The following SPOCK3 variants were observed in gnomAD, a reference collection of about 807,000 sequenced individuals.
SPOCK3 encodes the protein testican-3.
SPOCK3 carries 30 observed loss-of-function variants against 56.6 expected under a neutral mutation model. The ratio of observed to expected loss-of-function variants is 0.53; its 90% CI spans 0.40 to 0.72. SPOCK3 has a LOEUF of 0.72. Ranked by LOEUF, SPOCK3 falls within the 30% of genes least tolerant of loss-of-function variation. The pLI is 0.00. For synonymous variants in SPOCK3, 196 were observed against 183.3 expected (o/e 1.07, Z -0.56); for missense variants, 527 against 530.0 (o/e 0.99, Z 0.06).
At chr4:166,800,421 G>A (rs1038878214) in intron 6 of SPOCK3, among the ~76,000 whole-genome samples, 2 of 151,976 alleles carry the variant, frequency 1.3e-5, no homozygotes, top group Non-Finnish European at 2.9e-5. Context: ...AGGTATTTCA[G>A]AAGGAGGCAT....
At chr4:166,893,631 A>G (rs1427955518) in intron 5 of SPOCK3, among the ~76,000 whole-genome samples, 2 of 152,160 alleles carry the variant, frequency 1.3e-5, no homozygotes, top group African/African-American at 4.8e-5. Flanking sequence ...TTATAGTTCT[A>G]ATGTAGAACA....
intron 2 of SPOCK3, among the ~76,000 whole-genome samples, chr4:167,064,391 T>C (rs2150250722): frequency 6.6e-6 from 1 of 152,004 alleles, no homozygotes; most frequent in Admixed American, 6.6e-5. Flanking sequence ...ACACTGATTA[T>C]GTATTGTCTT....
chr4:166,983,055 A>G (rs1343567583), intron 4 of SPOCK3, among the ~76,000 whole-genome samples: 2 of 152,184 alleles, frequency 1.3e-5, no homozygotes, highest in African/African-American at 4.8e-5. Flanking sequence ...ACTATATACT[A>G]TATAAAATGT....
intron 4 of SPOCK3, among the ~76,000 whole-genome samples, chr4:166,957,397 T>C (rs1385650896): frequency 6.6e-6 from 1 of 152,236 alleles, no homozygotes; most frequent in Non-Finnish European, 1.5e-5. Context: ...TCTCTCAAAG[T>C]ACACTTCCCT....
chr4:167,201,285 T>C (rs545196199), intron 2 of SPOCK3, among the ~76,000 whole-genome samples: 1 of 152,162 alleles, frequency 6.6e-6, no homozygotes, highest in African/African-American at 2.4e-5. Flanking sequence ...AAAATTATGA[T>C]GGATTAAAAC....
chr4:167,014,557 A>C (rs566077444), intron 3 of SPOCK3, among the ~76,000 whole-genome samples: 5 of 152,250 alleles, frequency 3.3e-5, no homozygotes, highest in Admixed American at 1.3e-4. Context: ...CACAAAGTTA[A>C]GGCAGAAGGA....
At chr4:167,058,186 A>G (rs542124327) in intron 3 of SPOCK3, among the ~76,000 whole-genome samples, 194 of 152,272 alleles carry the variant, frequency 1.3e-3, no homozygotes, top group Non-Finnish European at 1.7e-3. Flanking sequence ...AGGGTATTCA[A>G]TTAGGAAAAG....
At chr4:167,087,437 C>A (rs114561551) in intron 2 of SPOCK3, among the ~76,000 whole-genome samples, 2 of 152,140 alleles carry the variant, frequency 1.3e-5, no homozygotes, top group East Asian at 3.8e-4. Context: ...AATATATTGA[C>A]GTTACAGTAA....
intron 6 of SPOCK3, among the ~76,000 whole-genome samples, chr4:166,814,169 C>T (rs78406624): frequency 0.077 from 11,709 of 152,080 alleles, 666 homozygotes; most frequent in East Asian, 0.28. Flanking sequence ...CATCAAACAA[C>T]GGCAATTTTG....
chr4:166,845,517 C>T (rs985210810), intron 6 of SPOCK3, among the ~76,000 whole-genome samples: 7 of 152,066 alleles, frequency 4.6e-5, no homozygotes, highest in African/African-American at 1.7e-4. Flanking sequence ...TTCCTGAGTA[C>T]TGTTTAAGTG....
chr4:166,830,485 C>T (rs1467828459), intron 6 of SPOCK3, among the ~76,000 whole-genome samples: 1 of 152,170 alleles, frequency 6.6e-6, no homozygotes, highest in Non-Finnish European at 1.5e-5. Context: ...GTGTTTACTC[C>T]TGAAATCCTA....
chr4:167,198,429 C>T (rs1346814807), intron 2 of SPOCK3, among the ~76,000 whole-genome samples: 1 of 152,018 alleles, frequency 6.6e-6, no homozygotes, highest in Non-Finnish European at 1.5e-5. Flanking sequence ...TATAGCTTCT[C>T]TAAAAAGTAA....
chr4:167,022,157 G>A (rs1288237510), intron 3 of SPOCK3, among the ~76,000 whole-genome samples: 1 of 151,832 alleles, frequency 6.6e-6, no homozygotes, highest in East Asian at 1.9e-4. Context: ...GTCTAGGTTG[G>A]GCGTGGAGCA....
chr4:167,148,632 A>T (rs1175288844), intron 2 of SPOCK3, among the ~76,000 whole-genome samples: 1 of 152,124 alleles, frequency 6.6e-6, no homozygotes, highest in Admixed American at 6.5e-5. Context: ...CTATAAATAT[A>T]ACCGTGTATA....
intron 6 of SPOCK3, among the ~76,000 whole-genome samples, chr4:166,818,468 C>A (rs899189427): frequency 2.0e-5 from 3 of 151,936 alleles, no homozygotes; most frequent in Admixed American, 6.6e-5. Flanking sequence ...AAAGTAGTTT[C>A]AATTTTTCTT....
At chr4:167,055,479 C>T (rs539018835) in intron 3 of SPOCK3, among the ~76,000 whole-genome samples, 17 of 152,178 alleles carry the variant, frequency 1.1e-4, no homozygotes, top group South Asian at 4.2e-4. Flanking sequence ...ACACCGTGCG[C>T]GAGCCAAAGC....
At chr4:166,876,290 C>T (rs1251574829) in intron 6 of SPOCK3, among the ~76,000 whole-genome samples, 1 of 152,036 alleles carries the variant, frequency 6.6e-6, no homozygotes, top group African/African-American at 2.4e-5. Flanking sequence ...CATACCGCTG[C>T]GAATGTGACT....
At chr4:166,866,559 T>C (rs62353259) in intron 6 of SPOCK3, among the ~76,000 whole-genome samples, 13,993 of 152,012 alleles carry the variant, frequency 0.092, 970 homozygotes, top group East Asian at 0.4. Context: ...ATCCAGAGTC[T>C]ACAAGGAACT....
chr4:166,958,817 T>C (rs565933071), intron 4 of SPOCK3, among the ~76,000 whole-genome samples: 2 of 152,292 alleles, frequency 1.3e-5, no homozygotes, highest in East Asian at 3.9e-4. Context: ...TCTGTTTTGT[T>C]TACTACTGTA....
Sources: allele counts gnomAD v4.1 joint callset (sites outside exome capture counted in the v4.1 genomes callset), GRCh38; gene constraint gnomAD v4.1.1; transcripts MANE v1.5; gene names NCBI Gene and HGNC (gene_info 2026-07-23, HGNC 2026-07-21).